MCTP2: variants seen among roughly 807,000 people sequenced by gnomAD.
MCTP2 encodes multiple C2 and transmembrane domain containing 2.
Under a neutral mutation model 111.6 loss-of-function variants are expected in MCTP2, and 132 were observed. The observed-to-expected ratio is 1.18, with a 90% CI of 1.03 to 1.37. The LOEUF (loss-of-function observed/expected upper bound fraction) is 1.37, where lower values mean the gene tolerates loss of function less well. MCTP2 is among the 40% of genes most tolerant of loss of function. MCTP2 has a pLI of 0.00. For missense variants in MCTP2, 1,183 were observed against 1,067.9 expected, an observed-to-expected ratio of 1.11 and a Z score of -1.50; for synonymous variants, 395 against 387.7, an observed-to-expected ratio of 1.02 and a Z score of -0.22.
intron 4 of MCTP2, among the ~76,000 whole-genome samples, chr15:94,330,054 A>G (rs1158655203): frequency 1.3e-5 from 2 of 152,180 alleles, no homozygotes; most frequent in Non-Finnish European, 2.9e-5. Context: ...ACCACATGGC[A>G]TGTTTTTTCT....
intron 20 of MCTP2, 97 bp downstream of exon 20, chr15:94,458,343 A>G: frequency 1.3e-6 from 1 of 752,312 alleles, no homozygotes; most frequent in African/African-American, 1.7e-5. Flanking sequence ...GGAGGCAAGA[A>G]AATACAAAAA....
intron 1 of MCTP2, among the ~76,000 whole-genome samples, chr15:94,264,036 C>T (rs1293397777): frequency 6.6e-6 from 1 of 152,158 alleles, no homozygotes; most frequent in Non-Finnish European, 1.5e-5. Context: ...TTACTTGGTG[C>T]TGACACTTGA....
At chr15:94,356,040 T>A (rs1555458108) in intron 8 of MCTP2, 97 bp from the exon 9 acceptor site, 4 of 1,396,564 alleles carry the variant, frequency 2.9e-6, no homozygotes, top group Non-Finnish European at 2.8e-6. Flanking sequence ...GAATTTTTTT[T>A]ATAATTAAAT....
At chr15:94,266,126 G>A (rs941020423) in intron 1 of MCTP2, among the ~76,000 whole-genome samples, 1 of 151,940 alleles carries the variant, frequency 6.6e-6, no homozygotes, top group Non-Finnish European at 1.5e-5. Context: ...GCACACACTG[G>A]ATGATCCTGA....
intron 4 of MCTP2, among the ~76,000 whole-genome samples, chr15:94,334,918 G>C (rs2077285096): frequency 6.6e-6 from 1 of 152,104 alleles, no homozygotes; most frequent in Admixed American, 6.6e-5. Flanking sequence ...GTTCTAAGCT[G>C]GGAAATAGTA....
chr15:94,353,688 G>A (rs2078442225), intron 8 of MCTP2, among the ~76,000 whole-genome samples: 1 of 152,122 alleles, frequency 6.6e-6, no homozygotes, highest in Non-Finnish European at 1.5e-5. Context: ...GCATGGCCGT[G>A]GGACAGGTCA....
At chr15:94,314,812 G>C (rs1196914297) in intron 3 of MCTP2, 7 of 453,402 alleles carry the variant, frequency 1.5e-5, no homozygotes, top group Non-Finnish European at 2.7e-5. Context: ...CTACAATATG[G>C]CCAGCAGGAG....
chr15:94,433,771 G>A (rs761764654), intron 17 of MCTP2, among the ~76,000 whole-genome samples: 11 of 152,164 alleles, frequency 7.2e-5, no homozygotes, highest in Non-Finnish European at 1.3e-4. Context: ...TATATTACCA[G>A]TGTTTTAAAT....
chr15:94,257,305 C>T (rs1477604832), intron 1 of MCTP2, among the ~76,000 whole-genome samples: 1 of 152,064 alleles, frequency 6.6e-6, no homozygotes, highest in Non-Finnish European at 1.5e-5. Flanking sequence ...AGGCAGGACC[C>T]TTGTCTGATT....
At chr15:94,472,930 T>C (rs1384781887) in intron 21 of MCTP2, among the ~76,000 whole-genome samples, 1 of 152,218 alleles carries the variant, frequency 6.6e-6, no homozygotes, top group Non-Finnish European at 1.5e-5. Flanking sequence ...AGGAGATAAA[T>C]GTATATGTCT....
chr15:94,402,862 G>T lies in MCTP2; in HGVS notation c.2085+843G>T, dbSNP rs571125963. ...TACGAGGTATGAGTGGTCTAAGAGT[G>T]TGAATATCAGTCATGATCATTGGTG... On this transcript the variant is annotated intron_variant, in intron 17 of 22. Coordinates refer to ENST00000357742, the MANE Select transcript of MCTP2 (RefSeq NM_001385001.1). The T allele has an allele frequency of 3.9e-5, 47 of 1,189,962 alleles. No individual in the cohort carries two copies. The African/African-American group carries it at 6.7e-4, about 17-fold the overall frequency. The allele number at this position is 1,189,962 out of a possible 1,614,324, so 73.7% of individuals were successfully genotyped here.
At chr15:94,253,807 C>T (rs1214793073) in intron 1 of MCTP2, among the ~76,000 whole-genome samples, 9 of 151,652 alleles carry the variant, frequency 5.9e-5, no homozygotes, top group African/African-American at 2.2e-4. Flanking sequence ...TGCAGTATCA[C>T]ACAAGTGTAA....
At chr15:94,414,660 T>G (rs1016026584) in intron 17 of MCTP2, among the ~76,000 whole-genome samples, 1 of 152,158 alleles carries the variant, frequency 6.6e-6, no homozygotes, top group East Asian at 1.9e-4. Flanking sequence ...AGGATTTTAT[T>G]TGATTTTCCC....
chr15:94,409,971 C>T (rs940969360), intron 17 of MCTP2, among the ~76,000 whole-genome samples: 3 of 151,362 alleles, frequency 2.0e-5, no homozygotes, highest in Admixed American at 2.0e-4. Flanking sequence ...TCCTCACCTC[C>T]TTAGTTTCCC....
At chr15:94,289,851 A>T (rs113593405) in intron 1 of MCTP2, among the ~76,000 whole-genome samples, 1 of 152,198 alleles carries the variant, frequency 6.6e-6, no homozygotes, top group Admixed American at 6.5e-5. Context: ...TGTAGATGGG[A>T]TCTAACAGAC....
At chr15:94,322,938 G>C (rs538448201) in intron 4 of MCTP2, among the ~76,000 whole-genome samples, 1 of 152,200 alleles carries the variant, frequency 6.6e-6, no homozygotes, top group Non-Finnish European at 1.5e-5. Context: ...CTTTGCCCAC[G>C]AGGAAACACA....
At chr15:94,241,496 C>G (rs1567245340) in intron 1 of MCTP2, among the ~76,000 whole-genome samples, 1 of 152,088 alleles carries the variant, frequency 6.6e-6, no homozygotes, top group East Asian at 1.9e-4. Context: ...CCAGGTCTTG[C>G]CTGTCGATAT....
intron 10 of MCTP2, among the ~76,000 whole-genome samples, chr15:94,360,220 A>G (rs1466944792): frequency 6.6e-6 from 1 of 152,060 alleles, no homozygotes; most frequent in African/African-American, 2.4e-5. Flanking sequence ...TGTCTGTTAG[A>G]TTGCAATCGT....
At chr15:94,368,710 A>T (rs1228169954) in intron 11 of MCTP2, among the ~76,000 whole-genome samples, 1 of 152,226 alleles carries the variant, frequency 6.6e-6, no homozygotes, top group East Asian at 1.9e-4. Context: ...AACTATTAAC[A>T]TTCTCTCTGA....
Sources: allele counts gnomAD v4.1 joint callset (sites outside exome capture counted in the v4.1 genomes callset), GRCh38; gene constraint gnomAD v4.1.1; transcripts MANE v1.5; gene names NCBI Gene and HGNC (gene_info 2026-07-23, HGNC 2026-07-21).